SUMO3: variants seen among roughly 807,000 people sequenced by gnomAD.
SUMO3 encodes the protein small ubiquitin-related modifier 3.
In SUMO3, 2 loss-of-function variants were observed where a neutral mutation model predicts 11.1. That is an observed-to-expected ratio of 0.18 (90% CI 0.07 to 0.57). The LOEUF (loss-of-function observed/expected upper bound fraction) is 0.57, where lower values mean the gene tolerates loss of function less well. SUMO3 is among the 20% of genes least tolerant of loss of function. The pLI is 0.92. For missense variants in SUMO3, 70 were observed against 132.8 expected (o/e 0.53, Z 2.32); for synonymous variants, 56 against 53.5 (o/e 1.05, Z -0.20).
At chr21:44,817,643 G>T (rs994773129) in intron 1 of SUMO3, among the ~76,000 whole-genome samples, 3 of 150,986 alleles carry the variant, frequency 2.0e-5, no homozygotes, top group South Asian at 2.1e-4. Flanking sequence ...GAGCAGCAGC[G>T]CGGGGCCCGA....
intron 2 of SUMO3, among the ~76,000 whole-genome samples, chr21:44,809,572 G>A (rs1193217853): frequency 1.3e-5 from 2 of 152,206 alleles, no homozygotes; most frequent in South Asian, 2.1e-4. Context: ...CACAAGAGAC[G>A]TCCTAGACTA....
At chr21:44,813,908 G>T in intron 2 of SUMO3, 68 bp downstream of exon 2, 1 of 1,600,182 alleles carries the variant, frequency 6.2e-7, no homozygotes, top group Non-Finnish European at 8.5e-7. Flanking sequence ...TCGTGCTCTG[G>T]GGATGCCTGG....
chr21:44,809,947 C>A (rs974954667), intron 2 of SUMO3, among the ~76,000 whole-genome samples: 1 of 152,176 alleles, frequency 6.6e-6, no homozygotes, highest in Non-Finnish European at 1.5e-5. Flanking sequence ...CACTACTTCC[C>A]CCCTTTACAA....
At position 44,805,662 on chromosome 21, in the gene SUMO3, A is replaced by C. The variant is rs941132336; in HGVS notation, c.*1289T>G. On this transcript the variant is annotated 3_prime_UTR_variant, in exon 4 of 4. Coordinates refer to ENST00000332859, the MANE Select transcript of SUMO3 (RefSeq NM_006936.3). ...TTACTGTTTACAGTAGTAAAGGACA[A>C]CAAATAATGTACAAATTGGTGAATA... 23 of 152,656 alleles carry C rather than the reference A, an allele frequency of 1.5e-4. No homozygotes were observed. Among genetic ancestry groups the C allele is most frequent in the African/African-American group, 5.3e-4 (22 of 41,444 alleles). 9.5% of individuals were successfully genotyped at this position (152,656 alleles called of 1,614,324 possible). A position where few individuals can be genotyped will look rare whatever the true frequency, so the allele number is the denominator to read the frequency against.
rs750627818 is a variant in SUMO3, at chr21:44,811,061, CAT to C, written c.151-1945_151-1944del. On this transcript the variant is annotated intron_variant, in intron 2 of 3. Coordinates refer to ENST00000332859, the MANE Select transcript of SUMO3 (RefSeq NM_006936.3). The surrounding 1 kb of genome is among the most constrained non-coding windows in gnomAD (Gnocchi z 5.0). ...ACATACACACACGCACACACCCACA[CAT>C]ACACACACACGAATGCACACATGCA... 1.5e-4 allele frequency among the ~76,000 whole-genome samples: 23 copies of C among 149,830 alleles called. No individual in the cohort carries two copies. Among genetic ancestry groups the C allele is most frequent in the Admixed American group, 6.0e-4 (9 of 15,064 alleles).
chr21:44,808,621 C>G (rs1032736561), intron 3 of SUMO3: 124 of 1,361,294 alleles, frequency 9.1e-5, no homozygotes, highest in Non-Finnish European at 1.1e-4. Context: ...CTGAGAGAAA[C>G]GAGCTGTGCA....
At chr21:44,812,196 A>G (rs2083216441) in intron 2 of SUMO3, among the ~76,000 whole-genome samples, 2 of 151,242 alleles carry the variant, frequency 1.3e-5, no homozygotes, top group South Asian at 4.2e-4. Flanking sequence ...AGCTGGGACT[A>G]TAGGCTTGCA....
intron 1 of SUMO3, among the ~76,000 whole-genome samples, chr21:44,816,292 A>G (rs1438779502): frequency 6.6e-6 from 1 of 152,244 alleles, no homozygotes; most frequent in Non-Finnish European, 1.5e-5. Context: ...GTATTTAAAT[A>G]TTCAAACAAC....
At position 44,809,747 on chromosome 21, in the gene SUMO3, G is replaced by C. The variant is rs561026922; in HGVS notation, c.151-629C>G. Reference sequence around the variant, plus strand: ...CTAGCATTGGTGATGTGCCAGGGGAGGGGAAATGAGCCGCCAGGTGAATAC... The same window carrying C: ...CTAGCATTGGTGATGTGCCAGGGGACGGGAAATGAGCCGCCAGGTGAATAC... On this transcript the variant is annotated intron_variant, in intron 2 of 3. Coordinates refer to ENST00000332859, the MANE Select transcript of SUMO3 (RefSeq NM_006936.3). Among the ~76,000 whole-genome samples the C allele has an allele frequency of 5.3e-5, 8 of 152,308 alleles. 1 individual carries two copies. The highest frequency in any genetic ancestry group is 1.4e-4 in the African/African-American group (6 of 41,566).
intron 2 of SUMO3, among the ~76,000 whole-genome samples, chr21:44,812,455 G>A (rs917208969): frequency 6.6e-6 from 1 of 152,132 alleles, no homozygotes; most frequent in Middle Eastern, 3.2e-3. Context: ...AGTTTCAACC[G>A]AGAATATTAC....
chr21:44,815,727 C>CG (rs942050168), intron 1 of SUMO3, among the ~76,000 whole-genome samples: 5 of 151,832 alleles, frequency 3.3e-5, no homozygotes, highest in Admixed American at 1.3e-4. Context: ...GCTGCAGCCC[C>CG]GGGGGGAATG....
At chr21:44,816,286 T>G (rs2083243456) in intron 1 of SUMO3, among the ~76,000 whole-genome samples, 1 of 152,180 alleles carries the variant, frequency 6.6e-6, no homozygotes, top group Non-Finnish European at 1.5e-5. Context: ...TAACAAGTAT[T>G]TAAATATTCA....
chr21:44,818,014 G>A lies in SUMO3; in HGVS notation c.-46C>T, dbSNP rs2083260049. ...GAGGCGGCGCGGGGGAAGCAGCGCG[G>A]AGCGGGCGAGTCACGCTCTCGGCCC... On this transcript the variant is annotated 5_prime_UTR_variant, in exon 1 of 4. Transcript: ENST00000332859. 2.6e-6 allele frequency: 3 copies of A among 1,174,296 alleles called. No individual in the cohort carries two copies. The highest frequency in any genetic ancestry group is 1.6e-5 in the African/African-American group (1 of 61,952). 72.7% of individuals were successfully genotyped at this position (1,174,296 alleles called of 1,614,324 possible). A position where few individuals can be genotyped will look rare whatever the true frequency, so the allele number is the denominator to read the frequency against.
Position 44,807,767 on chromosome 21 carries a change from G to T in SUMO3, c.223-727C>A, listed in dbSNP as rs1019785912. Among the ~76,000 whole-genome samples the T allele has an allele frequency of 1.3e-5, 2 of 152,118 alleles. No homozygotes were observed. Among genetic ancestry groups the T allele is most frequent in the Non-Finnish European group, 2.9e-5 (2 of 68,028 alleles). ...CCTGCCACCGACACTATGGGCTGGAGGGAGAGCCCCCAGGCAGGGCTCCCT... is the reference window on the plus strand; with the variant it reads ...CCTGCCACCGACACTATGGGCTGGATGGAGAGCCCCCAGGCAGGGCTCCCT... On this transcript the variant is annotated intron_variant, in intron 3 of 3. Coordinates refer to ENST00000332859, the MANE Select transcript of SUMO3 (RefSeq NM_006936.3). This position sits in a 1 kb window ranked among gnomAD's most constrained non-coding sequence, Gnocchi z 4.3.
intron 2 of SUMO3, 87 bp downstream of exon 2, chr21:44,813,889 C>G (rs2083227918): frequency 1.9e-6 from 3 of 1,596,138 alleles, no homozygotes; most frequent in African/African-American, 1.3e-5. Flanking sequence ...GGGTCCAGCC[C>G]CGAGACGCTC....
At chr21:44,813,600 G>A (rs9977439) in intron 2 of SUMO3, 8,589 of 286,984 alleles carry the variant, frequency 0.03, 543 homozygotes, top group African/African-American at 0.2. Context: ...TGACAGCGGC[G>A]TGGGGCACAC....
rs1390953650 is a variant in SUMO3 at position 44,810,940 on chromosome 21, ACACACATG to A, written c.151-1830_151-1823del. On this transcript the variant is annotated intron_variant, in intron 2 of 3. Transcript: ENST00000332859. The surrounding 1 kb of genome is among the most constrained non-coding windows in gnomAD (Gnocchi z 4.1). The stretch of plus-strand genomic sequence containing the variant: ...CCCACACCCACACATGCCCACACCC[ACACACATG>A]CACACACCCACACATGCACACCCAT... Among the ~76,000 whole-genome samples the A allele has an allele frequency of 6.6e-6, 1 of 151,094 alleles. No homozygotes were observed. The highest frequency in any genetic ancestry group is 1.5e-5 in the Non-Finnish European group (1 of 67,766).
In SUMO3 at chr21:44,807,192, G is replaced by T. The variant is rs767509168; in HGVS notation, c.223-152C>A. On this transcript the variant is annotated intron_variant, in intron 3 of 3. Coordinates refer to ENST00000332859, the MANE Select transcript of SUMO3 (RefSeq NM_006936.3). The surrounding 1 kb of genome is among the most constrained non-coding windows in gnomAD (Gnocchi z 4.3). ...GGCTCTTGTCCGTCCCCTCACTGCA[G>T]CTCAGCACGCATGGAAGAGGCATTG... 1.7e-5 allele frequency: 15 copies of T among 891,392 alleles called. No homozygotes were observed. Among genetic ancestry groups the T allele is most frequent in the Non-Finnish European group, 2.4e-5 (14 of 593,578 alleles). 55.2% of individuals were successfully genotyped at this position (891,392 alleles called of 1,614,324 possible).
rs3827259 is a variant in SUMO3, at chr21:44,809,509, T to C, written c.151-391A>G. On this transcript the variant is annotated intron_variant, in intron 2 of 3. Transcript: ENST00000332859. ...AGTGGCAGTTCAGTTTCAAAGCAGA[T>C]AGGTAAGTGGTCCATGGCAGAAGGA... Among the ~76,000 whole-genome samples the C allele has an allele frequency of 9.0e-3, 1,367 of 152,300 alleles. 37 individuals are homozygous for C. The highest frequency in any genetic ancestry group is 0.088 in the East Asian group (458 of 5,186).
Sources: allele counts gnomAD v4.1 joint callset (sites outside exome capture counted in the v4.1 genomes callset), GRCh38; gene constraint gnomAD v4.1.1; non-coding constraint Gnocchi (gnomAD v3.1); transcripts MANE v1.5; gene names NCBI Gene and HGNC (gene_info 2026-07-23, HGNC 2026-07-21).